SART1: variants seen among roughly 807,000 people sequenced by gnomAD.
The protein encoded by SART1 is U4/U6.U5 tri-snRNP-associated protein 1.
Under a neutral mutation model 105.0 loss-of-function variants are expected in SART1, and 28 were observed. The observed-to-expected ratio is 0.27, with a 90% CI of 0.20 to 0.37. The LOEUF (loss-of-function observed/expected upper bound fraction) is 0.37, where lower values mean the gene tolerates loss of function less well. SART1 is among the 10% of genes least tolerant of loss of function. The pLI is 1.00. For missense variants in SART1, 894 were observed against 1,106.5 expected (o/e 0.81, Z 2.72); for synonymous variants, 472 against 462.9 (o/e 1.02, Z -0.25).
chr11:65,964,859 GTTTTTC>G (rs951576729), intron 3 of SART1, among the ~76,000 whole-genome samples: 1 of 152,184 alleles, frequency 6.6e-6, no homozygotes, highest in African/African-American at 2.4e-5. Flanking sequence ...TGGGTTTCTT[GTTTTTC>G]TTTAAAGCAC....
At position 65,965,397 on chromosome 11, in the gene SART1, A is replaced by G. The variant is rs749963270; in HGVS notation, c.610A>G (p.Ile204Val). ...DPWLDDTAAW[I>V]ERSRQLQKEK... ...CTGGCTGGACGACACTGCAGCCTGG[A>G]TCGAGAGGAGCCGGCAGCTGCAGAA... is the stretch of plus-strand genomic sequence containing the variant. Residue 204 changes from isoleucine (I) to valine (V), a missense_variant, in exon 5 of 20, where the codon ATC (isoleucine) becomes GTC (valine). Around this residue, in one of 2 missense-constraint regions of SART1, gnomAD observed 712 missense variants for 778.2 expected, o/e 0.91. Transcript: ENST00000312397. The G allele has an allele frequency of 1.9e-6, 3 of 1,578,820 alleles. No homozygotes were observed. The Admixed American group carries it at 5.5e-5, about 29-fold the overall frequency.
Position 65,962,106 on chromosome 11 carries a change from G to A in SART1, c.313+13G>A. ...GGCTACGAGGCCGGTGAGGAGGCGG[G>A]GCCTGCGCAGGGGGCGGGTCGGGCG... On this transcript the variant is annotated intron_variant, in intron 1 of 19. Coordinates refer to ENST00000312397, the MANE Select transcript of SART1 (RefSeq NM_005146.5). 1.5e-6 allele frequency: 2 copies of A among 1,360,308 alleles called. No homozygotes were observed. Among genetic ancestry groups the A allele is most frequent in the South Asian group, 3.0e-5 (2 of 67,724 alleles). The allele number at this position is 1,360,308 out of a possible 1,614,324, so 84.3% of individuals were successfully genotyped here.
intron 12 of SART1, among the ~76,000 whole-genome samples, chr11:65,975,564 A>C (rs1402328322): frequency 1.3e-5 from 2 of 150,464 alleles, no homozygotes; most frequent in Non-Finnish European, 3.0e-5. Context: ...GTGTGACCAC[A>C]ATGTCTAATT....
intron 12 of SART1, among the ~76,000 whole-genome samples, chr11:65,969,917 T>A (rs1426338333): frequency 6.6e-6 from 1 of 151,874 alleles, no homozygotes; most frequent in Non-Finnish European, 1.5e-5. Flanking sequence ...AGAAACAGGG[T>A]TTCACCGTGT....
chr11:65,962,107 GCC>G lies in SART1; in HGVS notation c.313+15_313+16del. 1 of 1,142,084 alleles carries G rather than the reference GCC, an allele frequency of 8.8e-7. No individual in the cohort carries two copies. Among genetic ancestry groups the G allele is most frequent in the Non-Finnish European group, 1.1e-6 (1 of 880,234 alleles). 70.7% of individuals were successfully genotyped at this position (1,142,084 alleles called of 1,614,324 possible). A position where few individuals can be genotyped will look rare whatever the true frequency, so the allele number is the denominator to read the frequency against. Reference sequence around the variant, plus strand: ...GCTACGAGGCCGGTGAGGAGGCGGGGCCTGCGCAGGGGGCGGGTCGGGCGGGG... The same window carrying G: ...GCTACGAGGCCGGTGAGGAGGCGGGGTGCGCAGGGGGCGGGTCGGGCGGGG... On this transcript the variant is annotated intron_variant, in intron 1 of 19. Coordinates refer to ENST00000312397, the MANE Select transcript of SART1 (RefSeq NM_005146.5).
At position 65,965,127 on chromosome 11, in the gene SART1, G is replaced by A; in HGVS notation, c.463G>A (p.Val155Ile). Reference sequence around the variant, plus strand: ...CAAGGAGGAGCCCGTGACAGCTGATGTCATCAACCCTATGGCCTTGCGACA... The same window carrying A: ...CAAGGAGGAGCCCGTGACAGCTGATATCATCAACCCTATGGCCTTGCGACA... Reference protein sequence around the residue: ...GTKEEPVTADVINPMALRQRE... With the variant: ...GTKEEPVTADIINPMALRQRE... The change falls in exon 4 of 20, where the codon GTC becomes ATC. Residue 155 changes from valine to isoleucine, a missense_variant. Around this residue, in one of 2 missense-constraint regions of SART1, gnomAD observed 712 missense variants for 778.2 expected, o/e 0.91. Transcript: ENST00000312397. The A allele has an allele frequency of 6.3e-7, 1 of 1,593,028 alleles. No individual in the cohort carries two copies. The highest frequency in any genetic ancestry group is 8.5e-7 in the Non-Finnish European group (1 of 1,174,212).
Position 65,979,099 on chromosome 11 carries a change from C to G in SART1, c.*69C>G. The G allele has an allele frequency of 1.3e-6, 2 of 1,598,550 alleles. No homozygotes were observed. The highest frequency in any genetic ancestry group is 2.2e-5 in the South Asian group (2 of 90,054). On this transcript the variant is annotated 3_prime_UTR_variant, in exon 20 of 20. Coordinates refer to ENST00000312397, the MANE Select transcript of SART1 (RefSeq NM_005146.5). ...TAAAGCTCCCTCCTTATTTTTTCCT[C>G]CCTGGTCGTGGTACAGATTCCAGGG... is the stretch of plus-strand genomic sequence containing the variant.
intron 12 of SART1, among the ~76,000 whole-genome samples, chr11:65,975,613 C>T (rs1002504236): frequency 2.0e-5 from 3 of 151,676 alleles, no homozygotes; most frequent in South Asian, 2.1e-4. Flanking sequence ...GGTATGTTGC[C>T]CAGGCTGGTC....
At position 65,961,744 on chromosome 11, in the gene SART1, G is replaced by A. The variant is rs767079262; in HGVS notation, c.-37G>A. 4 of 1,465,488 alleles carry A rather than the reference G, an allele frequency of 2.7e-6. No homozygotes were observed. Among genetic ancestry groups the A allele is most frequent in the South Asian group, 2.9e-5 (2 of 70,112 alleles). 90.8% of individuals were successfully genotyped at this position (1,465,488 alleles called of 1,614,324 possible). A position where few individuals can be genotyped will look rare whatever the true frequency, so the allele number is the denominator to read the frequency against. On this transcript the variant is annotated 5_prime_UTR_variant, in exon 1 of 20. Coordinates refer to ENST00000312397, the MANE Select transcript of SART1 (RefSeq NM_005146.5). ...AGTATTCCCATTTTGCGTTGTCTGG[G>A]CTCGGCGGCAGCCGGGCTCGGAGTG...
rs1352617088 is a variant in SART1, at chr11:65,977,635, A to C, written c.2018A>C (p.Tyr673Ser). The change falls in exon 16 of 20, where the codon TAC (tyrosine) becomes TCC (serine). Residue 673 changes from tyrosine (Y) to serine (S), a missense_variant. Around this residue, in one of 2 missense-constraint regions of SART1, gnomAD observed 182 missense variants for 328.3 expected, o/e 0.55. Coordinates refer to ENST00000312397, the MANE Select transcript of SART1 (RefSeq NM_005146.5). ...AACAAGTCGCTGCCCTCAGCCGTGTACTGCATCGAGGATAAGATGTGAGTG... is the reference window on the plus strand; with the variant it reads ...AACAAGTCGCTGCCCTCAGCCGTGTCCTGCATCGAGGATAAGATGTGAGTG... ...APNKSLPSAV[Y>S]CIEDKMAIDD... is the part of the protein sequence containing the mutation. 6.2e-7 allele frequency: 1 copy of C among 1,613,870 alleles called. No individual in the cohort carries two copies. Among genetic ancestry groups the C allele is most frequent in the Non-Finnish European group, 8.5e-7 (1 of 1,179,982 alleles).
At position 65,967,783 on chromosome 11, in the gene SART1, T is replaced by TTACAGCAGC. The variant is rs1456141019; in HGVS notation, c.1545_1553dup (p.Gln516_Leu518dup). ...GGAGAAGGGACGCCGGCTGCGACAG[T>TTACAGCAGC]TACAGCAGCTACAGCAGCTGCGAGA... On this transcript the variant is annotated inframe_insertion, in exon 12 of 20. Coordinates refer to ENST00000312397, the MANE Select transcript of SART1 (RefSeq NM_005146.5). 19 of 1,548,814 alleles carry TTACAGCAGC rather than the reference T, an allele frequency of 1.2e-5. No homozygotes were observed. Among genetic ancestry groups the TTACAGCAGC allele is most frequent in the Non-Finnish European group, 1.6e-5 (18 of 1,146,730 alleles).
chr11:65,969,961 A>T (rs946785951), intron 12 of SART1, among the ~76,000 whole-genome samples: 8 of 151,946 alleles, frequency 5.3e-5, no homozygotes, highest in Non-Finnish European at 1.2e-4. Flanking sequence ...TCACCTTGTG[A>T]TCCACCCTCC....
rs1470581285 is a variant in SART1, at chr11:65,962,021, C to T, written c.241C>T (p.Arg81Trp). ...EAEARSSTHG[R>W]ERSQAEPSER... ...TGAGGCCCGGAGCAGCACGCACGGG[C>T]GGGAGCGCAGCCAGGCAGAGCCCTC... is the stretch of plus-strand genomic sequence containing the variant. Residue 81 changes from arginine to tryptophan, a missense_variant, in exon 1 of 20, where the codon CGG becomes TGG. Around this residue, in one of 2 missense-constraint regions of SART1, gnomAD observed 712 missense variants for 778.2 expected, o/e 0.91. Transcript: ENST00000312397. 1.3e-5 allele frequency: 19 copies of T among 1,509,164 alleles called. No individual in the cohort carries two copies. Among genetic ancestry groups the T allele is most frequent in the Non-Finnish European group, 1.5e-5 (17 of 1,134,742 alleles). 93.5% of individuals were successfully genotyped at this position (1,509,164 alleles called of 1,614,324 possible). A position where few individuals can be genotyped will look rare whatever the true frequency, so the allele number is the denominator to read the frequency against.
At position 65,977,114 on chromosome 11, in the gene SART1, G is replaced by A; in HGVS notation, c.1945+13G>A. On this transcript the variant is annotated intron_variant, in intron 15 of 19. Coordinates refer to ENST00000312397, the MANE Select transcript of SART1 (RefSeq NM_005146.5). ...TGTCAGAACAAAGGTAGGGAGCTCA[G>A]GGCAGCCATGACTTGGGTGGGCTTG... 1.9e-6 allele frequency: 3 copies of A among 1,607,570 alleles called. No homozygotes were observed. Among genetic ancestry groups the A allele is most frequent in the Non-Finnish European group, 2.6e-6 (3 of 1,175,164 alleles).
chr11:65,965,800 G>A (rs748149986), intron 6 of SART1, 21 bp downstream of exon 6: 2 of 1,613,858 alleles, frequency 1.2e-6, no homozygotes, highest in East Asian at 2.2e-5. Context: ...AGCAGGGGTG[G>A]TACAGGGGAC....
Position 65,969,441 on chromosome 11 carries a change from A to G in SART1, c.1572+1620A>G, listed in dbSNP as rs538961022. Among the ~76,000 whole-genome samples, 12 of 152,242 alleles carry G rather than the reference A, an allele frequency of 7.9e-5. No homozygotes were observed. The South Asian group carries it at 1.0e-3, about 13-fold the overall frequency. On this transcript the variant is annotated intron_variant, in intron 12 of 19. Coordinates refer to ENST00000312397, the MANE Select transcript of SART1 (RefSeq NM_005146.5). ...GCCTGCCTGCACATTAGACTCACCT[A>G]GGAGGTTGTTTTTGTTGTTGTTTTA...
chr11:65,964,806 C>G (rs1044218350), intron 3 of SART1, among the ~76,000 whole-genome samples: 4 of 152,186 alleles, frequency 2.6e-5, no homozygotes, highest in Non-Finnish European at 5.9e-5. Context: ...GTTAGATGGA[C>G]TGGAAGATGT....
At chr11:65,962,168 G>A in intron 1 of SART1, 75 bp downstream of exon 1, 1 of 1,133,434 alleles carries the variant, frequency 8.8e-7, no homozygotes, top group Non-Finnish European at 1.2e-6. Context: ...TGTGCGCGCA[G>A]TGTCAGCGAA....
Position 65,979,320 on chromosome 11 carries a change from C to T in SART1, c.*290C>T, listed in dbSNP as rs1855545432. The T allele has an allele frequency of 1.8e-6, 1 of 558,748 alleles. No individual in the cohort carries two copies. The highest frequency in any genetic ancestry group is 3.2e-6 in the Non-Finnish European group (1 of 312,696). 34.6% of individuals were successfully genotyped at this position (558,748 alleles called of 1,614,324 possible). On this transcript the variant is annotated 3_prime_UTR_variant, in exon 20 of 20. Transcript: ENST00000312397. ...AGAAAGTGGAAGGCGGTTTTAGAAA[C>T]TCATCACCCTGCTCTCTCCTGGCCT... is the stretch of plus-strand genomic sequence containing the variant.
Sources: gnomAD v4.1 joint callset for allele counts (sites outside exome capture counted in the v4.1 genomes callset) on GRCh38, gnomAD v4.1.1 for gene constraint, gnomAD v4.1.1 regional missense constraint, MANE v1.5 for transcripts, NCBI Gene and HGNC (gene_info 2026-07-23, HGNC 2026-07-21) for gene names.